TCF20: variants seen among roughly 807,000 people sequenced by gnomAD.
TCF20 encodes the protein transcription factor 20.
A neutral mutation model predicts 148.6 loss-of-function variants in TCF20; 3 were observed. That is an observed-to-expected ratio of 0.02 (90% CI 0.01 to 0.05). The LOEUF is 0.05. Among genes scored for constraint, TCF20 ranks in the 10% least tolerant of loss-of-function variants. TCF20 has a pLI of 1.00. For missense variants in TCF20, 2,350 were observed against 2,429.3 expected, an observed-to-expected ratio of 0.97 and a Z score of 0.69; for synonymous variants, 1,049 against 909.5, an observed-to-expected ratio of 1.15 and a Z score of -2.76.
At chr22:42,295,647 T>C (rs888758882) in intron 1 of TCF20, among the ~76,000 whole-genome samples, 1 of 152,114 alleles carries the variant, frequency 6.6e-6, no homozygotes, top group Non-Finnish European at 1.5e-5. Flanking sequence ...TTCTCCATGT[T>C]GAGGCTAGTC....
At chr22:42,174,691 C>T (rs980133822) in intron 3 of TCF20, among the ~76,000 whole-genome samples, 2 of 152,076 alleles carry the variant, frequency 1.3e-5, no homozygotes, top group Non-Finnish European at 2.9e-5. Flanking sequence ...CCAGCCTGGG[C>T]AACACAGTGA....
At chr22:42,340,335 G>C in intron 1 of TCF20, among the ~76,000 whole-genome samples, 1 of 152,188 alleles carries the variant, frequency 6.6e-6, no homozygotes, top group Middle Eastern at 3.2e-3. Flanking sequence ...ATGAGTGAGT[G>C]AATAAATGAT....
rs1253784073 is a variant in TCF20, at chr22:42,297,169, C to T, written c.-37+46310G>A. On this transcript the variant is annotated intron_variant, in intron 1 of 1. Transcript: ENST00000515426. This position sits in a 1 kb window ranked among gnomAD's most constrained non-coding sequence, Gnocchi z 4.3. ...AGTGCCCATACCCACAATGGATGGC[C>T]CAGCTGGGCGACCTTGGGCAAGGAG... is the stretch of plus-strand genomic sequence containing the variant. Among the ~76,000 whole-genome samples the T allele has an allele frequency of 6.6e-6, 1 of 152,170 alleles. No individual in the cohort carries two copies. Among genetic ancestry groups the T allele is most frequent in the Non-Finnish European group, 1.5e-5 (1 of 68,026 alleles).
intron 2 of TCF20, among the ~76,000 whole-genome samples, chr22:42,180,695 A>G (rs1489824325): frequency 1.3e-5 from 2 of 152,234 alleles, no homozygotes; most frequent in Non-Finnish European, 1.5e-5. Flanking sequence ...AACGCCAGCA[A>G]CAGCAAAGCC....
intron 1 of TCF20, among the ~76,000 whole-genome samples, chr22:42,236,256 CAAAAT>C (rs1923877562): frequency 6.6e-6 from 1 of 151,328 alleles, no homozygotes; most frequent in South Asian, 2.1e-4. Context: ...ATCAAACAAA[CAAAAT>C]AAACCCTAAA....
At chr22:42,333,959 T>C (rs1033131925) in intron 1 of TCF20, among the ~76,000 whole-genome samples, 7 of 152,208 alleles carry the variant, frequency 4.6e-5, no homozygotes, top group African/African-American at 9.6e-5. Flanking sequence ...GGCTGGAGTT[T>C]AGCAGACTCC....
At chr22:42,261,923 G>A (rs956958982) in intron 1 of TCF20, among the ~76,000 whole-genome samples, 21 of 152,268 alleles carry the variant, frequency 1.4e-4, no homozygotes, top group East Asian at 7.7e-4. Flanking sequence ...CCTGGGAGGC[G>A]GAGGTTGCAG....
chr22:42,331,186 C>G (rs925938765), intron 1 of TCF20, among the ~76,000 whole-genome samples: 26 of 152,346 alleles, frequency 1.7e-4, no homozygotes, highest in Admixed American at 1.1e-3. Flanking sequence ...CGGAGCGCGA[C>G]TGTCAACCTG....
In TCF20 at chr22:42,182,100, T is replaced by A. The variant is rs1224039580; in HGVS notation, c.5656-2398A>T. On this transcript the variant is annotated intron_variant, in intron 2 of 5. Transcript: ENST00000677622. ...TACCATGACACTGTCAAGCACTAAATCACCCAAACCCAGGACCAGGCCACC... is the reference window on the plus strand; with the variant it reads ...TACCATGACACTGTCAAGCACTAAAACACCCAAACCCAGGACCAGGCCACC... Among the ~76,000 whole-genome samples the A allele has an allele frequency of 3.3e-5, 5 of 152,188 alleles. No individual in the cohort carries two copies. In the Middle Eastern group the frequency reaches 0.01, roughly 311 times the overall value.
intron 5 of TCF20, among the ~76,000 whole-genome samples, chr22:42,161,794 A>G (rs1935476729): frequency 6.6e-6 from 1 of 152,072 alleles, no homozygotes; most frequent in African/African-American, 2.4e-5. Flanking sequence ...GCCTTTTAGG[A>G]CAGTTTCACA....
At chr22:42,266,841 G>A (rs922785842) in intron 1 of TCF20, among the ~76,000 whole-genome samples, 4 of 152,196 alleles carry the variant, frequency 2.6e-5, no homozygotes, top group African/African-American at 4.8e-5. Flanking sequence ...CATGTCTCCC[G>A]ATATCTTACC....
At chr22:42,285,873 G>A (rs1246058494), upstream of TCF20, among the ~76,000 whole-genome samples, 2 of 152,134 alleles carry the variant, frequency 1.3e-5, no homozygotes, top group South Asian at 2.1e-4. The surrounding 1 kb of genome is among the most constrained non-coding windows in gnomAD (Gnocchi z 4.2). Context: ...TGAGGGTCTC[G>A]ACTTAGACCT....
chr22:42,295,988 C>T (rs1460046869), intron 1 of TCF20, among the ~76,000 whole-genome samples: 1 of 152,220 alleles, frequency 6.6e-6, no homozygotes, highest in East Asian at 1.9e-4. Context: ...GACTTTGAAG[C>T]CAGCAAGCTG....
In TCF20 at chr22:42,168,713, G is replaced by A. The variant is rs371360841; in HGVS notation, c.5823C>T (p.Pro1941=). 1.2e-6 allele frequency: 2 copies of A among 1,611,406 alleles called. No individual in the cohort carries two copies. Reference sequence around the variant, plus strand: ...CTTTCGCGGTCTTGTTCTGCAAGGGGGGGAGAGGGCACGGAAGGGGAGGCT... The same window carrying A: ...CTTTCGCGGTCTTGTTCTGCAAGGGAGGGAGAGGGCACGGAAGGGGAGGCT... The part of the protein sequence containing the change: ...KHKPPLPCPL[P]PLQNKTAKGS... Residue 1941 remains proline, a synonymous_variant, in exon 5 of 6, where the codon CCC becomes CCT. Coordinates refer to ENST00000677622, the MANE Select transcript of TCF20 (RefSeq NM_001378418.1).
At chr22:42,221,183 C>T (rs1027388657) in intron 1 of TCF20, among the ~76,000 whole-genome samples, 2 of 152,104 alleles carry the variant, frequency 1.3e-5, no homozygotes, top group African/African-American at 4.8e-5. Flanking sequence ...GATGATATTC[C>T]CTGGAGGTAG....
intron 1 of TCF20, among the ~76,000 whole-genome samples, chr22:42,262,018 C>T (rs932213179): frequency 4.6e-5 from 7 of 152,154 alleles, no homozygotes; most frequent in Admixed American, 4.6e-4. Flanking sequence ...TGGGAAAGAG[C>T]TTGCTACCTT....
At chr22:42,263,097 T>C (rs934549888) in intron 1 of TCF20, among the ~76,000 whole-genome samples, 3 of 152,174 alleles carry the variant, frequency 2.0e-5, no homozygotes, top group Middle Eastern at 3.2e-3. Context: ...AAAGAAGATA[T>C]ATCTCCGTTG....
intron 5 of TCF20, among the ~76,000 whole-genome samples, chr22:42,166,262 T>A (rs533584034): frequency 2.6e-5 from 4 of 152,278 alleles, no homozygotes; most frequent in African/African-American, 9.6e-5. Flanking sequence ...CTTCAATGGG[T>A]GAGGCCACTT....
chr22:42,211,020 G>A lies in TCF20; in HGVS notation c.4286C>T (p.Pro1429Leu), dbSNP rs747582935. The change falls in exon 2 of 6, where the codon CCT becomes CTT. Residue 1429 changes from proline (P) to leucine (L), a missense_variant. By Grantham distance (98) the Pro-to-Leu change is moderately conservative (BLOSUM62 -3). This residue lies in a region of TCF20 where 231 missense variants were observed against 213.7 expected (regional missense o/e 1.08). Coordinates refer to ENST00000677622, the MANE Select transcript of TCF20 (RefSeq NM_001378418.1). ...CCACTCTTCTGAAGACCTTGGAAGAGGTTTCTCTACGTGCAACTCCTGGTT... is the reference window on the plus strand; with the variant it reads ...CCACTCTTCTGAAGACCTTGGAAGAAGTTTCTCTACGTGCAACTCCTGGTT... ...PANQELHVEKPLPRSSEEWRG... is the reference protein window; with the variant it reads ...PANQELHVEKLLPRSSEEWRG... 3.1e-6 allele frequency: 5 copies of A among 1,614,122 alleles called. No homozygotes were observed. Among genetic ancestry groups the A allele is most frequent in the Non-Finnish European group, 3.4e-6 (4 of 1,180,026 alleles).
Sources: gnomAD v4.1 joint callset for allele counts (sites outside exome capture counted in the v4.1 genomes callset) on GRCh38, gnomAD v4.1.1 for gene constraint, gnomAD v4.1.1 regional missense constraint, Gnocchi (gnomAD v3.1) non-coding constraint, MANE v1.5 for transcripts, NCBI Gene and HGNC (gene_info 2026-07-23, HGNC 2026-07-21) for gene names.